OTC: variants seen among roughly 807,000 people sequenced by gnomAD.
OTC encodes ornithine transcarbamylase, mitochondrial.
A neutral mutation model predicts 30.3 loss-of-function variants in OTC; 3 were observed. The observed-to-expected ratio is 0.10, with a 90% CI of 0.05 to 0.26. OTC has a LOEUF of 0.26. OTC is among the 10% of genes least tolerant of loss of function. OTC has a pLI of 1.00. For missense variants in OTC, 194 were observed against 260.3 expected, an observed-to-expected ratio of 0.75 and a Z score of 1.75; for synonymous variants, 111 against 99.7, an observed-to-expected ratio of 1.11 and a Z score of -0.67.
At chrX:38,351,950 G>A (rs185010267), upstream of OTC, among the ~76,000 whole-genome samples, 44 of 110,695 alleles carry the variant, frequency 4.0e-4, no homozygotes, top group Admixed American at 3.9e-3. Flanking sequence ...TAGTGGAGAC[G>A]GGGATTCACC....
At chrX:38,377,489 TA>T (rs201246760) in intron 3 of OTC, among the ~76,000 whole-genome samples, 1 of 110,867 alleles carries the variant, frequency 9.0e-6, no homozygotes, top group Non-Finnish European at 1.9e-5. Flanking sequence ...AAACAGAGAC[TA>T]AAAAAAATAA....
intron 4 of OTC, among the ~76,000 whole-genome samples, chrX:38,391,638 T>C (rs946422631): frequency 2.7e-5 from 3 of 111,465 alleles, no homozygotes; most frequent in African/African-American, 9.8e-5. Context: ...TCTTATTAAT[T>C]ATCAAATTGT....
chrX:38,372,461 G>A (rs1478185537), intron 3 of OTC, among the ~76,000 whole-genome samples: 1 of 112,557 alleles, frequency 8.9e-6, no homozygotes, highest in East Asian at 2.8e-4. Flanking sequence ...TATATGGCAT[G>A]TAATAGTCAT....
At chrX:38,379,033 G>C (rs1348090444) in intron 3 of OTC, among the ~76,000 whole-genome samples, 2 of 111,449 alleles carry the variant, frequency 1.8e-5, no homozygotes, top group Non-Finnish European at 3.8e-5. Context: ...AGGGCTGAAG[G>C]GTCAGGCAGG....
At chrX:38,372,449 A>G (rs943483211) in intron 3 of OTC, among the ~76,000 whole-genome samples, 3 of 112,577 alleles carry the variant, frequency 2.7e-5, no homozygotes, top group African/African-American at 6.5e-5. Context: ...ATTTAATTTA[A>G]TTATATGGCA....
intron 9 of OTC, among the ~76,000 whole-genome samples, chrX:38,415,370 C>T (rs1369666334): frequency 9.1e-6 from 1 of 110,206 alleles, no homozygotes; most frequent in Non-Finnish European, 1.9e-5. Context: ...TGAGCCACCA[C>T]AGCCGGCCGC....
intron 9 of OTC, among the ~76,000 whole-genome samples, chrX:38,418,133 C>A (rs114433282): frequency 0.019 from 2,149 of 111,401 alleles, 62 homozygotes; most frequent in African/African-American, 0.067. Flanking sequence ...CCCCTCTCTG[C>A]ATTCCTGTCA....
chrX:38,346,598 A>T, the OTC span, among the ~76,000 whole-genome samples: 1 of 112,562 alleles, frequency 8.9e-6, no homozygotes, highest in Non-Finnish European at 1.9e-5. Flanking sequence ...TGATATAACG[A>T]TACAATGGAA....
chrX:38,381,522 T>C (rs1274675020), intron 4 of OTC, 93 bp downstream of exon 4: 9 of 626,609 alleles, frequency 1.4e-5, no homozygotes, highest in Non-Finnish European at 2.4e-5. Flanking sequence ...ATAATGGTTT[T>C]CCCTCTAATT....
intron 9 of OTC, 53 bp downstream of exon 9, chrX:38,412,052 GT>G: frequency 8.9e-7 from 1 of 1,120,908 alleles, no homozygotes; most frequent in Non-Finnish European, 1.2e-6. Flanking sequence ...TTCCAACTTG[GT>G]CATTCATGCC....
chrX:38,412,122 C>G, intron 9 of OTC, 123 bp downstream of exon 9: 1 of 652,259 alleles, frequency 1.5e-6, no homozygotes, highest in Non-Finnish European at 2.3e-6. Context: ...CATGTAACAT[C>G]TATTTTTTTC....
upstream of OTC, among the ~76,000 whole-genome samples, chrX:38,348,541 CTTTTT>C: frequency 1.1e-5 from 1 of 88,769 alleles, no homozygotes; most frequent in African/African-American, 4.3e-5. Context: ...CTTTTTTTTT[CTTTTT>C]TTTTTTTTGA....
chrX:38,338,598 G>GT, the OTC span, among the ~76,000 whole-genome samples: 482 of 111,949 alleles, frequency 4.3e-3, 1 homozygote, highest in African/African-American at 0.015. Flanking sequence ...TTTTTTGTTT[G>GT]TTTTTTGCAA....
chrX:38,401,533 A>G, intron 5 of OTC, 105 bp downstream of exon 5: 1 of 641,830 alleles, frequency 1.6e-6, no homozygotes, highest in Middle Eastern at 3.4e-4. Flanking sequence ...TTTATTTTCA[A>G]ATACCAGCTT....
intron 1 of OTC, among the ~76,000 whole-genome samples, chrX:38,353,347 C>G (rs949870842): frequency 9.1e-6 from 1 of 109,315 alleles, no homozygotes; most frequent in Non-Finnish European, 1.9e-5. Flanking sequence ...CTGCTTACAA[C>G]CATTGTGCAT....
the OTC span, among the ~76,000 whole-genome samples, chrX:38,337,168 T>C: frequency 8.9e-6 from 1 of 112,182 alleles, no homozygotes; most frequent in Non-Finnish European, 1.9e-5. Flanking sequence ...AGTCAACATT[T>C]TCCTGGTAGA....
At chrX:38,352,989 T>C (rs1426932305) in intron 1 of OTC, among the ~76,000 whole-genome samples, 2 of 112,089 alleles carry the variant, frequency 1.8e-5, no homozygotes, top group Non-Finnish European at 1.9e-5. Flanking sequence ...CCATGGCAGG[T>C]ATAACAGACT....
At chrX:38,368,545 T>C (rs140026872) in intron 2 of OTC, among the ~76,000 whole-genome samples, 1 of 109,364 alleles carries the variant, frequency 9.1e-6, no homozygotes, top group Non-Finnish European at 1.9e-5. Flanking sequence ...GATATGGTTC[T>C]TAGCTATAAG....
upstream of OTC, among the ~76,000 whole-genome samples, chrX:38,349,031 G>A (rs924834007): frequency 8.9e-6 from 1 of 111,862 alleles, no homozygotes; most frequent in African/African-American, 3.3e-5. Context: ...CTCAAAGATA[G>A]GAGGGCCAGG....
Sources: allele counts gnomAD v4.1 joint callset (sites outside exome capture counted in the v4.1 genomes callset), GRCh38; gene constraint gnomAD v4.1.1; transcripts MANE v1.5; gene names NCBI Gene and HGNC (gene_info 2026-07-23, HGNC 2026-07-21).